The following DCDC1 variants were observed in gnomAD, a reference collection of about 807,000 sequenced individuals.
DCDC1 encodes the protein doublecortin domain containing 1, also known as doublecortin domain-containing protein 1.
In DCDC1, 200 loss-of-function variants were observed where a neutral mutation model predicts 178.3. That is an observed-to-expected ratio of 1.12 (90% CI 1.00 to 1.26). The LOEUF is 1.26. Ranked by LOEUF, DCDC1 falls within the 50% of genes most tolerant of loss-of-function variation. The pLI is 0.00. For missense variants in DCDC1, 1,983 were observed against 1,749.2 expected (o/e 1.13, Z -2.38); for synonymous variants, 690 against 604.8 (o/e 1.14, Z -2.07).
chr11:31,146,186 C>T (rs1218527859), intron 9 of DCDC1, among the ~76,000 whole-genome samples: 1 of 151,892 alleles, frequency 6.6e-6, no homozygotes, highest in East Asian at 1.9e-4. Context: ...ATTCTTTGAC[C>T]TCAGCCTCCC....
At chr11:30,924,800 C>T (rs1384281637) in intron 23 of DCDC1, among the ~76,000 whole-genome samples, 3 of 152,082 alleles carry the variant, frequency 2.0e-5, no homozygotes, top group South Asian at 2.1e-4. Context: ...CGGCCGGGCG[C>T]GGTGGCCCAC....
Position 31,045,479 on chromosome 11 carries a change from C to CT in DCDC1, c.2591+18989dup, listed in dbSNP as rs1954785182. On this transcript the variant is annotated intron_variant, in intron 20 of 38. Transcript: ENST00000684477. ...ACTTCCAATGTAGGCTTCTAAATAGCTTAGCAGAAAATTCCCTATTAGAAG... is the reference window on the plus strand; with the variant it reads ...ACTTCCAATGTAGGCTTCTAAATAGCTTTAGCAGAAAATTCCCTATTAGAAG... Among the ~76,000 whole-genome samples the CT allele has an allele frequency of 6.6e-5, 10 of 151,852 alleles. No homozygotes were observed. The South Asian group carries it at 2.1e-3, about 32-fold the overall frequency.
chr11:31,214,419 T>A (rs981229442), intron 9 of DCDC1, among the ~76,000 whole-genome samples: 10 of 152,318 alleles, frequency 6.6e-5, no homozygotes, highest in African/African-American at 9.6e-5. Context: ...TAGAATTTGA[T>A]TTTAATTTTT....
intron 22 of DCDC1, among the ~76,000 whole-genome samples, chr11:30,929,027 T>G (rs557507779): frequency 6.6e-6 from 1 of 152,080 alleles, no homozygotes; most frequent in Non-Finnish European, 1.5e-5. Flanking sequence ...TTTTGTGCAT[T>G]TTTTAGAATC....
chr11:30,907,826 G>C (rs1312388599), intron 29 of DCDC1, among the ~76,000 whole-genome samples: 1 of 152,034 alleles, frequency 6.6e-6, no homozygotes, highest in East Asian at 1.9e-4. Context: ...GCAAAAAATG[G>C]GTTTTTTATT....
chr11:31,005,854 T>C (rs1330216290), intron 20 of DCDC1, among the ~76,000 whole-genome samples: 1 of 151,886 alleles, frequency 6.6e-6, no homozygotes, highest in African/African-American at 2.4e-5. Flanking sequence ...CTCCATTCTT[T>C]TTAAATTTTT....
intron 2 of DCDC1, among the ~76,000 whole-genome samples, chr11:31,335,012 G>A (rs1950199711): frequency 6.6e-6 from 1 of 152,180 alleles, no homozygotes; most frequent in Non-Finnish European, 1.5e-5. Context: ...TCCAGAGGTG[G>A]GGTCTAGACA....
chr11:30,869,983 G>A (rs533561875), intron 38 of DCDC1, among the ~76,000 whole-genome samples: 1 of 152,178 alleles, frequency 6.6e-6, no homozygotes, highest in Non-Finnish European at 1.5e-5. Context: ...GGGGGTGGGG[G>A]TGTGTGCAGT....
At chr11:31,137,600 G>A (rs565050853) in intron 10 of DCDC1, 92 bp downstream of exon 10, 5 of 606,170 alleles carry the variant, frequency 8.2e-6, no homozygotes, top group East Asian at 3.0e-5. Flanking sequence ...TTCCCGCCTC[G>A]GCCTCCCAAA....
intron 21 of DCDC1, among the ~76,000 whole-genome samples, chr11:30,933,275 A>C (rs1381194137): frequency 6.6e-6 from 1 of 151,938 alleles, no homozygotes; most frequent in East Asian, 1.9e-4. Context: ...TATACATTTA[A>C]GAATAAGTTT....
intron 1 of DCDC1, among the ~76,000 whole-genome samples, chr11:31,364,984 T>C (rs766981369): frequency 6.6e-6 from 1 of 152,188 alleles, no homozygotes; most frequent in African/African-American, 2.4e-5. Context: ...ATTCAAGTAA[T>C]CTATTCTACG....
chr11:31,113,405 C>T (rs1461289811), intron 11 of DCDC1, among the ~76,000 whole-genome samples: 3 of 151,862 alleles, frequency 2.0e-5, no homozygotes, highest in South Asian at 2.1e-4. Context: ...TAGTCATTTA[C>T]ATTAGGTATA....
In DCDC1 at chr11:31,341,520, C is replaced by G. The variant is rs139982358; in HGVS notation, c.-124-5956G>C. The stretch of plus-strand genomic sequence containing the variant: ...CACTGGGCAAATATCATACAGTATA[C>G]TTACACAAACCTAGATGGCATACTA... On this transcript the variant is annotated intron_variant, in intron 1 of 38. Transcript: ENST00000684477. Among the ~76,000 whole-genome samples the G allele has an allele frequency of 2.0e-5, 3 of 152,248 alleles. No individual in the cohort carries two copies. The East Asian group carries it at 5.8e-4, about 29-fold the overall frequency.
At chr11:30,923,567 T>C (rs902653685) in intron 23 of DCDC1, among the ~76,000 whole-genome samples, 3 of 150,744 alleles carry the variant, frequency 2.0e-5, no homozygotes, top group African/African-American at 7.3e-5. Flanking sequence ...ATTACAAACA[T>C]TCGACATTTT....
intron 17 of DCDC1, among the ~76,000 whole-genome samples, chr11:31,078,347 G>A (rs1239173761): frequency 6.6e-6 from 1 of 152,174 alleles, no homozygotes; most frequent in African/African-American, 2.4e-5. Flanking sequence ...GCCTAATTCT[G>A]AAACAGCTAG....
intron 20 of DCDC1, among the ~76,000 whole-genome samples, chr11:31,012,822 A>G (rs894023108): frequency 2.0e-5 from 3 of 152,290 alleles, no homozygotes; most frequent in Non-Finnish European, 2.9e-5. Context: ...TATTTATATA[A>G]GGTTTGAAAA....
At chr11:31,146,587 A>G (rs1008729598) in intron 9 of DCDC1, among the ~76,000 whole-genome samples, 1 of 152,090 alleles carries the variant, frequency 6.6e-6, no homozygotes, top group Non-Finnish European at 1.5e-5. Flanking sequence ...CGATGGAAGG[A>G]TGGCCCACAT....
At chr11:31,217,241 G>A (rs894307916) in intron 9 of DCDC1, among the ~76,000 whole-genome samples, 1 of 151,972 alleles carries the variant, frequency 6.6e-6, no homozygotes, top group Non-Finnish European at 1.5e-5. Context: ...CTTTACTTTT[G>A]GTCTGTGCTG....
At chr11:31,082,367 T>C (rs1195402977) in intron 17 of DCDC1, among the ~76,000 whole-genome samples, 1 of 152,152 alleles carries the variant, frequency 6.6e-6, no homozygotes, top group Non-Finnish European at 1.5e-5. Context: ...AAAGAGAATT[T>C]TGAAGCAGGC....
Sources: gnomAD v4.1 joint callset for allele counts (sites outside exome capture counted in the v4.1 genomes callset) on GRCh38, gnomAD v4.1.1 for gene constraint, MANE v1.5 for transcripts, NCBI Gene and HGNC (gene_info 2026-07-23, HGNC 2026-07-21) for gene names.